The following PFAS variants were observed in gnomAD, a reference collection of about 807,000 sequenced individuals.
The protein encoded by PFAS is phosphoribosylformylglycinamidine synthase.
Under a neutral mutation model 140.6 loss-of-function variants are expected in PFAS, and 97 were observed. The ratio of observed to expected loss-of-function variants is 0.69; its 90% CI spans 0.59 to 0.82. The LOEUF is 0.82. Ranked by LOEUF, PFAS falls within the 40% of genes least tolerant of loss-of-function variation. PFAS has a pLI of 0.00. For synonymous variants in PFAS, 679 were observed against 718.8 expected (o/e 0.94, Z 0.88); for missense variants, 1,656 against 1,780.2 (o/e 0.93, Z 1.26).
At chr17:8,252,358 A>C (rs1177280037) in intron 1 of PFAS, among the ~76,000 whole-genome samples, 1 of 152,156 alleles carries the variant, frequency 6.6e-6, no homozygotes, top group African/African-American at 2.4e-5. Context: ...TCAAGCAATA[A>C]ATTCTTAAAC....
Position 8,265,429 on chromosome 17 carries a change from A to T in PFAS, c.2422A>T (p.Met808Leu). The T allele has an allele frequency of 6.2e-7, 1 of 1,614,114 alleles. No individual in the cohort carries two copies. The highest frequency in any genetic ancestry group is 8.5e-7 in the Non-Finnish European group (1 of 1,179,992). The change falls in exon 19 of 28, where the codon ATG (methionine) becomes TTG (leucine). Residue 808 changes from methionine (M) to leucine (L), a missense_variant. Coordinates refer to ENST00000314666, the MANE Select transcript of PFAS (RefSeq NM_012393.3). ...AVDGGKDSLSMAARVGTETVR... is the reference protein window; with the variant it reads ...AVDGGKDSLSLAARVGTETVR... Reference sequence around the variant, plus strand: ...GGATGGTGGCAAGGACTCCCTCAGCATGGCTGCTCGGGTTGGCACTGAGAC... The same window carrying T: ...GGATGGTGGCAAGGACTCCCTCAGCTTGGCTGCTCGGGTTGGCACTGAGAC...
In PFAS at chr17:8,265,861, G is replaced by C. The variant is rs763149591; in HGVS notation, c.2546-1G>C. ...CCCCTCACCCCTCCCCGTCTCCCCA[G>C]GCCATCTGCTCTATGTGGCTCTGAG... On this transcript the variant is annotated splice_acceptor_variant, in intron 20 of 27. Transcript: ENST00000314666. LOFTEE classifies it high-confidence loss of function. The C allele has an allele frequency of 6.3e-7, 1 of 1,597,400 alleles. No individual in the cohort carries two copies. Among genetic ancestry groups the C allele is most frequent in the Non-Finnish European group, 8.5e-7 (1 of 1,170,206 alleles).
rs968636922 is a variant in PFAS at position 8,259,124 on chromosome 17, T to C, written c.1336+925T>C. ...TCGCACCACTGCGATCGCACCACTG[T>C]CAAAAAAAAAAAAAAAGACGTGGTA... On this transcript the variant is annotated intron_variant, in intron 11 of 27. Coordinates refer to ENST00000314666, the MANE Select transcript of PFAS (RefSeq NM_012393.3). 3.5e-5 allele frequency among the ~76,000 whole-genome samples: 4 copies of C among 114,572 alleles called. No individual in the cohort carries two copies. The East Asian group carries it at 7.9e-4, about 23-fold the overall frequency. 75.2% of individuals were successfully genotyped at this position (114,572 alleles called of 152,430 possible). A position where few individuals can be genotyped will look rare whatever the true frequency, so the allele number is the denominator to read the frequency against.
In PFAS at chr17:8,256,222, A is replaced by T. The variant is rs1035560707; in HGVS notation, c.681-45A>T. 4 of 1,596,628 alleles carry T rather than the reference A, an allele frequency of 2.5e-6. No homozygotes were observed. The African/African-American group carries it at 4.0e-5, about 16-fold the overall frequency. On this transcript the variant is annotated intron_variant, in intron 6 of 27. Coordinates refer to ENST00000314666, the MANE Select transcript of PFAS (RefSeq NM_012393.3). ...TGAGAAGACATGGCATTAAGAAATG[A>T]CCCCGTTTCCACCTGCCTTCCCCTC...
chr17:8,260,336 A>G (rs1225998522), intron 11 of PFAS, among the ~76,000 whole-genome samples: 2 of 152,194 alleles, frequency 1.3e-5, no homozygotes, highest in African/African-American at 4.8e-5. Flanking sequence ...ACTGTTGTAT[A>G]TGTGGTCTGT....
Position 8,261,857 on chromosome 17 carries a change from C to T in PFAS, c.1337-1063C>T, listed in dbSNP as rs1322909301. On this transcript the variant is annotated intron_variant, in intron 11 of 27. Coordinates refer to ENST00000314666, the MANE Select transcript of PFAS (RefSeq NM_012393.3). ...AATTCCTGAGCTCAAGCGATCCGCC[C>T]GCCTCAGTCTCCCAAAGTGCTGGGA... Among the ~76,000 whole-genome samples, 8 of 151,966 alleles carry T rather than the reference C, an allele frequency of 5.3e-5. No individual in the cohort carries two copies. In the South Asian group the frequency reaches 6.2e-4, roughly 12 times the overall value.
At position 8,267,992 on chromosome 17, in the gene PFAS, T is replaced by C. The variant is rs1989895071; in HGVS notation, c.3382+327T>C. On this transcript the variant is annotated intron_variant, in intron 26 of 27. Coordinates refer to ENST00000314666, the MANE Select transcript of PFAS (RefSeq NM_012393.3). The surrounding 1 kb of genome is among the most constrained non-coding windows in gnomAD (Gnocchi z 4.9). ...ATTTATATATATTATTTATATATTA[T>C]TAAAATATATTATTTATATATATTA... Among the ~76,000 whole-genome samples, 1 of 143,156 alleles carries C rather than the reference T, an allele frequency of 7.0e-6. No individual in the cohort carries two copies. Among genetic ancestry groups the C allele is most frequent in the South Asian group, 2.1e-4 (1 of 4,720 alleles). The allele number at this position is 143,156 out of a possible 152,430, so 93.9% of individuals were successfully genotyped here. A position where few individuals can be genotyped will look rare whatever the true frequency, so the allele number is the denominator to read the frequency against.
intron 1 of PFAS, among the ~76,000 whole-genome samples, chr17:8,253,509 T>G (rs1989238523): frequency 6.6e-6 from 1 of 152,184 alleles, no homozygotes; most frequent in Admixed American, 6.5e-5. Flanking sequence ...TGAAATCAGT[T>G]CAACAGATAG....
Position 8,255,541 on chromosome 17 carries a change from C to T in PFAS, c.424C>T (p.Leu142=). 6.5e-7 allele frequency: 1 copy of T among 1,529,904 alleles called. No homozygotes were observed. Among genetic ancestry groups the T allele is most frequent in the Non-Finnish European group, 8.7e-7 (1 of 1,143,520 alleles). 94.8% of individuals were successfully genotyped at this position (1,529,904 alleles called of 1,614,324 possible). ...GTCAGCTGAGGTGGAAGCCATTGCT[C>T]TGGCTACCCTGCACGACCGGATGAC... ...PPSAEVEAIA[L]ATLHDRMTEQ... The change falls in exon 5 of 28, where the codon CTG becomes TTG. Residue 142 remains leucine, a synonymous_variant. Transcript: ENST00000314666.
Position 8,266,229 on chromosome 17 carries a change from T to C in PFAS, c.2702-5T>C. The C allele has an allele frequency of 6.2e-7, 1 of 1,613,864 alleles. No individual in the cohort carries two copies. The highest frequency in any genetic ancestry group is 8.5e-7 in the Non-Finnish European group (1 of 1,179,900). Reference sequence around the variant, plus strand: ...GGTTGCTGAGCTTTCTTCTCCTTCCTCCAGACCGCCTCCTCTGCTCAGGCC... The same window carrying C: ...GGTTGCTGAGCTTTCTTCTCCTTCCCCCAGACCGCCTCCTCTGCTCAGGCC... On this transcript the variant is annotated splice_polypyrimidine_tract_variant and splice_region_variant and intron_variant, in intron 21 of 27. Coordinates refer to ENST00000314666, the MANE Select transcript of PFAS (RefSeq NM_012393.3). The surrounding 1 kb of genome is among the most constrained non-coding windows in gnomAD (Gnocchi z 5.0).
chr17:8,263,952 G>T lies in PFAS; in HGVS notation c.1791+16G>T. ...AGACCGGAGAGTGAGTTGGCCCAGGGAGTTGGGAGCAAACACTGGGGCAGA... is the reference window on the plus strand; with the variant it reads ...AGACCGGAGAGTGAGTTGGCCCAGGTAGTTGGGAGCAAACACTGGGGCAGA... On this transcript the variant is annotated intron_variant, in intron 15 of 27. Coordinates refer to ENST00000314666, the MANE Select transcript of PFAS (RefSeq NM_012393.3). The T allele has an allele frequency of 6.2e-7, 1 of 1,610,070 alleles. No individual in the cohort carries two copies. The highest frequency in any genetic ancestry group is 2.2e-5 in the East Asian group (1 of 44,878).
chr17:8,267,448 CTTAG>C lies in PFAS; in HGVS notation c.3253_3256del (p.Ala1086GlyfsTer7). 6.2e-7 allele frequency: 1 copy of C among 1,614,130 alleles called. No individual in the cohort carries two copies. Among genetic ancestry groups the C allele is most frequent in the Non-Finnish European group, 8.5e-7 (1 of 1,179,960 alleles). On this transcript the variant is annotated frameshift_variant, in exon 25 of 28. Transcript: ENST00000314666. LOFTEE classifies it high-confidence loss of function. The surrounding 1 kb of genome is among the most constrained non-coding windows in gnomAD (Gnocchi z 4.9). Reference sequence around the variant, plus strand: ...ACCGGGAGATGGCCGATGCCTTCCACTTAGCTGGGTTTGAGGTGAGCAGGGTAGG... The same window carrying C: ...ACCGGGAGATGGCCGATGCCTTCCACCTGGGTTTGAGGTGAGCAGGGTAGG...
chr17:8,256,838 T>C lies in PFAS; in HGVS notation c.950T>C (p.Val317Ala). The change falls in exon 9 of 28, where the codon GTA (valine) becomes GCA (alanine). Residue 317 changes from valine (V) to alanine (A), a missense_variant. Val to Ala is a moderately conservative substitution (Grantham distance 64). This residue lies in a region of PFAS where 773 missense variants were observed against 757.3 expected (regional missense o/e 1.02). Transcript: ENST00000314666. The part of the protein sequence containing the change: ...TAETHNFPTG[V>A]CPFSGATTGT... ...TCTCCCCACTCTCTCTTTGCAGGAG[T>C]ATGCCCCTTTAGTGGTGCAACCACT... 6.2e-7 allele frequency: 1 copy of C among 1,601,924 alleles called. No individual in the cohort carries two copies. Among genetic ancestry groups the C allele is most frequent in the African/African-American group, 1.3e-5 (1 of 74,952 alleles).
At position 8,266,662 on chromosome 17, in the gene PFAS, C is replaced by T; in HGVS notation, c.2822-91C>T. The T allele has an allele frequency of 2.0e-6, 3 of 1,525,400 alleles. No individual in the cohort carries two copies. The highest frequency in any genetic ancestry group is 2.6e-6 in the Non-Finnish European group (3 of 1,141,662). The allele number at this position is 1,525,400 out of a possible 1,614,324, so 94.5% of individuals were successfully genotyped here. On this transcript the variant is annotated intron_variant, in intron 22 of 27. Transcript: ENST00000314666. The surrounding 1 kb of genome is among the most constrained non-coding windows in gnomAD (Gnocchi z 5.0). ...ACTCTCTGGCTGCATCCCTCTGACC[C>T]TCACCCTGGCCCTTCCTGCATTTCC...
intron 11 of PFAS, among the ~76,000 whole-genome samples, chr17:8,260,307 A>G (rs1447776473): frequency 1.3e-5 from 2 of 152,174 alleles, no homozygotes; most frequent in African/African-American, 4.8e-5. Context: ...TTTCAGCACA[A>G]TTATAATCTT....
intron 11 of PFAS, among the ~76,000 whole-genome samples, chr17:8,260,930 C>T (rs1989567107): frequency 6.6e-6 from 1 of 151,708 alleles, no homozygotes; most frequent in Non-Finnish European, 1.5e-5. Flanking sequence ...GGCCTATGTA[C>T]AAGTTTTTGT....
At chr17:8,268,027 T>C (rs1989898896) in intron 26 of PFAS, among the ~76,000 whole-genome samples, 1 of 125,052 alleles carries the variant, frequency 8.0e-6, no homozygotes, top group African/African-American at 3.0e-5. Context: ...ATTTATATAT[T>C]ATTAAAATAT....
chr17:8,268,004 A>G (rs945826921), intron 26 of PFAS, among the ~76,000 whole-genome samples: 1 of 136,636 alleles, frequency 7.3e-6, no homozygotes, highest in African/African-American at 2.8e-5. Context: ...AAAATATATT[A>G]TTTATATATA....
upstream of PFAS, among the ~76,000 whole-genome samples, chr17:8,248,859 TCC>T (rs1161080020): frequency 6.6e-6 from 1 of 152,178 alleles, no homozygotes; most frequent in Non-Finnish European, 1.5e-5. Flanking sequence ...GCGCCCAGCC[TCC>T]GTCTCCCTCC....
Sources: allele counts gnomAD v4.1 joint callset (sites outside exome capture counted in the v4.1 genomes callset), GRCh38; gene constraint gnomAD v4.1.1; regional missense constraint gnomAD v4.1.1; non-coding constraint Gnocchi (gnomAD v3.1); transcripts MANE v1.5; gene names NCBI Gene and HGNC (gene_info 2026-07-23, HGNC 2026-07-21).